The following EYA2 variants were observed in gnomAD, a reference collection of about 807,000 sequenced individuals.
EYA2 encodes the protein EYA transcriptional coactivator and phosphatase 2.
EYA2 carries 31 observed loss-of-function variants against 69.2 expected under a neutral mutation model. That is an observed-to-expected ratio of 0.45 (90% CI 0.34 to 0.60). The LOEUF is 0.60. Ranked by LOEUF, EYA2 falls within the 20% of genes least tolerant of loss-of-function variation. EYA2 has a pLI of 0.02. For missense variants in EYA2, 622 were observed against 701.2 expected, an observed-to-expected ratio of 0.89 and a Z score of 1.28; for synonymous variants, 257 against 279.4, an observed-to-expected ratio of 0.92 and a Z score of 0.80.
intron 9 of EYA2, among the ~76,000 whole-genome samples, chr20:47,108,290 CTCG>C (rs2032648401): frequency 6.6e-6 from 1 of 152,066 alleles, no homozygotes; most frequent in African/African-American, 2.4e-5. Context: ...CCCGTGAGAA[CTCG>C]TTGTTGAAAA....
Position 47,180,939 on chromosome 20 carries a change from A to AG in EYA2, c.1435+6dup. 1 of 1,613,616 alleles carries AG rather than the reference A, an allele frequency of 6.2e-7. No homozygotes were observed. Among genetic ancestry groups the AG allele is most frequent in the Non-Finnish European group, 8.5e-7 (1 of 1,179,824 alleles). On this transcript the variant is annotated splice_donor_region_variant and intron_variant, in intron 14 of 15. Transcript: ENST00000327619. The stretch of plus-strand genomic sequence containing the variant: ...CATCTACAGTGCAACCAAGACAGGT[A>AG]GGGAGAAGCCACACCTCGGCGGGGA...
intron 1 of EYA2, among the ~76,000 whole-genome samples, chr20:46,933,818 C>T (rs550470921): frequency 3.3e-5 from 5 of 152,326 alleles, no homozygotes; most frequent in African/African-American, 9.6e-5. Context: ...ACAAGGTCAC[C>T]GGGGCCCAGA....
At chr20:46,899,931 C>T (rs1984010443) in intron 1 of EYA2, among the ~76,000 whole-genome samples, 1 of 152,162 alleles carries the variant, frequency 6.6e-6, no homozygotes, top group Admixed American at 6.5e-5. Context: ...AAATCTAAAA[C>T]AGGAACTTAG....
Position 47,000,394 on chromosome 20 carries a change from T to C in EYA2, c.110-1034T>C, listed in dbSNP as rs1982288980. Reference sequence around the variant, plus strand: ...AAGTGGCAGAGTTGCAAGTGCACGTTGGTCTCCTGAGCCTCCAGCGCAGAG... The same window carrying C: ...AAGTGGCAGAGTTGCAAGTGCACGTCGGTCTCCTGAGCCTCCAGCGCAGAG... On this transcript the variant is annotated intron_variant, in intron 2 of 15. Transcript: ENST00000327619. Among the ~76,000 whole-genome samples the C allele has an allele frequency of 2.6e-5, 4 of 152,224 alleles. No homozygotes were observed. In the South Asian group the frequency reaches 8.3e-4, roughly 31 times the overall value.
chr20:47,027,418 C>T (rs1437357424), intron 5 of EYA2, among the ~76,000 whole-genome samples: 2 of 152,220 alleles, frequency 1.3e-5, no homozygotes, highest in African/African-American at 4.8e-5. Context: ...GAAGTTTCCC[C>T]ATGCATGTCA....
At chr20:47,152,995 C>T (rs913153473) in intron 10 of EYA2, among the ~76,000 whole-genome samples, 1 of 151,490 alleles carries the variant, frequency 6.6e-6, no homozygotes, top group Non-Finnish European at 1.5e-5. Context: ...GAAGGGAAAG[C>T]ACTGTTTGCT....
At chr20:47,098,169 C>T (rs1411267314) in intron 9 of EYA2, among the ~76,000 whole-genome samples, 1 of 152,194 alleles carries the variant, frequency 6.6e-6, no homozygotes, top group Non-Finnish European at 1.5e-5. Context: ...GTGCAGAAAT[C>T]TCTTGCCGTG....
chr20:47,063,056 A>G (rs1386594473), intron 5 of EYA2, among the ~76,000 whole-genome samples: 1 of 152,156 alleles, frequency 6.6e-6, no homozygotes, highest in Non-Finnish European at 1.5e-5. Flanking sequence ...TTTTTAAATT[A>G]AGGTAAAATT....
At chr20:47,184,816 C>T (rs2034605298) in intron 15 of EYA2, among the ~76,000 whole-genome samples, 1 of 152,138 alleles carries the variant, frequency 6.6e-6, no homozygotes. Flanking sequence ...TGTCATGCTC[C>T]AAACGCCTGG....
intron 4 of EYA2, among the ~76,000 whole-genome samples, chr20:47,009,390 C>A (rs1982924324): frequency 1.3e-5 from 2 of 152,168 alleles, no homozygotes; most frequent in African/African-American, 4.8e-5. Context: ...GTTTAAATAC[C>A]TGCAGGAAAT....
intron 5 of EYA2, among the ~76,000 whole-genome samples, chr20:47,025,220 T>C (rs1227067403): frequency 6.6e-6 from 1 of 152,242 alleles, no homozygotes; most frequent in Non-Finnish European, 1.5e-5. Flanking sequence ...CTATCATTTT[T>C]ACTGGGATTG....
intron 7 of EYA2, among the ~76,000 whole-genome samples, chr20:47,087,923 G>C (rs6094586): frequency 6.6e-6 from 1 of 152,242 alleles, no homozygotes; most frequent in Non-Finnish European, 1.5e-5. Context: ...AAGCTTAAAA[G>C]GCTTGCATTT....
At chr20:47,135,861 CTAAT>C (rs1172717410) in intron 9 of EYA2, among the ~76,000 whole-genome samples, 4 of 85,150 alleles carry the variant, frequency 4.7e-5, no homozygotes, top group Admixed American at 3.3e-4. Context: ...AAACAAAAAA[CTAAT>C]TAATTAATTA....
chr20:47,055,754 G>T (rs1477303028), intron 5 of EYA2, among the ~76,000 whole-genome samples: 1 of 152,156 alleles, frequency 6.6e-6, no homozygotes, highest in East Asian at 1.9e-4. Context: ...CCTCTAAGAG[G>T]TCTTCCAAAT....
chr20:47,110,911 C>G (rs1391294898), intron 9 of EYA2, among the ~76,000 whole-genome samples: 1 of 152,252 alleles, frequency 6.6e-6, no homozygotes, highest in Non-Finnish European at 1.5e-5. Flanking sequence ...CACCTAGAGC[C>G]TGGCCCACAG....
intron 9 of EYA2, among the ~76,000 whole-genome samples, chr20:47,133,658 G>A (rs772593063): frequency 1.3e-5 from 2 of 152,146 alleles, no homozygotes; most frequent in Non-Finnish European, 2.9e-5. Flanking sequence ...AATCTGCAAG[G>A]GGAAGAGGCA....
intron 1 of EYA2, among the ~76,000 whole-genome samples, chr20:46,941,862 A>G (rs1747324244): frequency 6.6e-6 from 1 of 151,498 alleles, no homozygotes. Flanking sequence ...GGGCTCAAGG[A>G]ACTCTCCAAC....
intron 1 of EYA2, among the ~76,000 whole-genome samples, chr20:46,956,634 G>A (rs1023200999): frequency 1.6e-4 from 25 of 152,158 alleles, no homozygotes; most frequent in East Asian, 5.8e-4. Flanking sequence ...TCCATTAGCC[G>A]GAACTCAGTC....
intron 9 of EYA2, among the ~76,000 whole-genome samples, chr20:47,138,378 A>G (rs933243887): frequency 2.6e-5 from 4 of 152,196 alleles, no homozygotes; most frequent in Non-Finnish European, 4.4e-5. Flanking sequence ...AAGGCTCATC[A>G]TATAAACATT....
Sources: gnomAD v4.1 joint callset for allele counts (sites outside exome capture counted in the v4.1 genomes callset) on GRCh38, gnomAD v4.1.1 for gene constraint, MANE v1.5 for transcripts, NCBI Gene and HGNC (gene_info 2026-07-23, HGNC 2026-07-21) for gene names.